Variants in CDH4 observed in about 807,000 individuals in gnomAD.
CDH4 encodes cadherin 4, also known as cadherin-4.
Under a neutral mutation model 86.0 loss-of-function variants are expected in CDH4, and 33 were observed. The observed-to-expected ratio is 0.38, with a 90% confidence interval of 0.29 to 0.51. CDH4 has a LOEUF of 0.51. Ranked by LOEUF, CDH4 falls within the 20% of genes least tolerant of loss-of-function variation. The pLI, the probability that CDH4 is intolerant of heterozygous loss-of-function variation, is 0.86. For missense variants in CDH4, 1,114 were observed against 1,307.4 expected (o/e 0.85, Z 2.28); for synonymous variants, 555 against 549.4 (o/e 1.01, Z -0.14).
chr20:61,564,116 T>C (rs908650329), intron 2 of CDH4, among the ~76,000 whole-genome samples: 1 of 152,150 alleles, frequency 6.6e-6, no homozygotes, highest in Non-Finnish European at 1.5e-5. Context: ...CTTTCTCTTA[T>C]AAGGACATCA....
chr20:61,523,183 G>T (rs987760001), intron 2 of CDH4, among the ~76,000 whole-genome samples: 1 of 152,218 alleles, frequency 6.6e-6, no homozygotes, highest in African/African-American at 2.4e-5. Context: ...CTCCATGCCA[G>T]AACGGTGCCT....
chr20:61,783,668 G>A (rs940225777), intron 4 of CDH4, among the ~76,000 whole-genome samples: 4 of 139,896 alleles, frequency 2.9e-5, no homozygotes, highest in African/African-American at 8.0e-5. Flanking sequence ...GAGGCCCTCA[G>A]GTGTCTTGTG....
intron 2 of CDH4, among the ~76,000 whole-genome samples, chr20:61,724,431 G>C (rs1278812172): frequency 6.6e-6 from 1 of 152,182 alleles, no homozygotes; most frequent in Non-Finnish European, 1.5e-5. Context: ...GCTGAGTACA[G>C]TGGGCTCAGT....
chr20:61,690,451 G>T (rs2087640842), intron 2 of CDH4, among the ~76,000 whole-genome samples: 1 of 152,122 alleles, frequency 6.6e-6, no homozygotes. Flanking sequence ...GGAGGGAGGG[G>T]CTACAGGGTT....
chr20:61,358,908 G>A (rs1020425999), intron 2 of CDH4, among the ~76,000 whole-genome samples: 29 of 152,124 alleles, frequency 1.9e-4, no homozygotes, highest in African/African-American at 6.8e-4. Context: ...GTGACGGGGG[G>A]GTTTACTCCG....
chr20:61,412,246 G>A (rs575787492), intron 2 of CDH4, among the ~76,000 whole-genome samples: 8 of 152,302 alleles, frequency 5.3e-5, no homozygotes, highest in South Asian at 2.1e-4. Flanking sequence ...CTCTGGGTCC[G>A]TAGCATGAGC....
chr20:61,870,367 C>T (rs1983747741), intron 6 of CDH4, among the ~76,000 whole-genome samples: 2 of 152,220 alleles, frequency 1.3e-5, no homozygotes, highest in African/African-American at 4.8e-5. Context: ...GAGGAAGAGG[C>T]CAAGGCCGTC....
At chr20:61,418,977 T>C (rs2085162245) in intron 2 of CDH4, among the ~76,000 whole-genome samples, 2 of 152,206 alleles carry the variant, frequency 1.3e-5, no homozygotes, top group African/African-American at 4.8e-5. Flanking sequence ...TGACTTCTCT[T>C]GTCATTGGAT....
chr20:61,738,468 T>C (rs535952996), intron 2 of CDH4: 1 of 151,800 alleles, frequency 6.6e-6, no homozygotes, highest in Non-Finnish European at 1.5e-5. Flanking sequence ...CACAGTACTT[T>C]CTGGGGCTGC....
chr20:61,501,675 C>A lies in CDH4; in HGVS notation c.170-241888C>A, dbSNP rs544169265. Among the ~76,000 whole-genome samples the A allele has an allele frequency of 6.6e-6, 1 of 152,094 alleles. No individual in the cohort carries two copies. The highest frequency in any genetic ancestry group is 6.5e-5 in the Admixed American group (1 of 15,282). On this transcript the variant is annotated intron_variant, in intron 2 of 15. Coordinates refer to ENST00000614565, the MANE Select transcript of CDH4 (RefSeq NM_001794.5). This position sits in a 1 kb window ranked among gnomAD's most constrained non-coding sequence, Gnocchi z 4.2. ...GCGTGTTCCGGAAAGCATGCCGTGC[C>A]CTGTGAACTAGAAGAGGGTACTGGA... is the stretch of plus-strand genomic sequence containing the variant.
intron 2 of CDH4, among the ~76,000 whole-genome samples, chr20:61,640,375 C>T (rs1314918579): frequency 1.3e-5 from 2 of 152,214 alleles, no homozygotes; most frequent in African/African-American, 2.4e-5. Context: ...TGAATGTGCA[C>T]GTGCATACAT....
intron 9 of CDH4, among the ~76,000 whole-genome samples, chr20:61,914,177 A>G (rs536231585): frequency 2.2e-4 from 34 of 152,290 alleles, no homozygotes; most frequent in African/African-American, 8.2e-4. Flanking sequence ...CAGGACCCCA[A>G]ACCCACTATG....
chr20:61,357,401 C>A (rs1273401694), intron 2 of CDH4, among the ~76,000 whole-genome samples: 3 of 152,152 alleles, frequency 2.0e-5, no homozygotes, highest in African/African-American at 7.2e-5. Context: ...GCTCACCCTG[C>A]CATGTTGCCG....
intron 2 of CDH4, among the ~76,000 whole-genome samples, chr20:61,668,510 C>A (rs2145841997): frequency 6.6e-6 from 1 of 152,320 alleles, no homozygotes; most frequent in African/African-American, 2.4e-5. Flanking sequence ...ACCACTGGGG[C>A]CCATGTGCAT....
chr20:61,429,415 G>A (rs1037578621), intron 2 of CDH4, among the ~76,000 whole-genome samples: 15 of 152,162 alleles, frequency 9.9e-5, no homozygotes, highest in African/African-American at 2.9e-4. Context: ...ATAGCAAATC[G>A]TATGCCAGAT....
intron 7 of CDH4, among the ~76,000 whole-genome samples, chr20:61,877,861 C>T (rs1451073262): frequency 1.3e-5 from 2 of 152,144 alleles, no homozygotes; most frequent in African/African-American, 4.8e-5. Context: ...GGGGCCATGA[C>T]CCCCGGAACG....
At chr20:61,369,918 G>A (rs942757579) in intron 2 of CDH4, 3 of 152,406 alleles carry the variant, frequency 2.0e-5, no homozygotes, top group African/African-American at 7.2e-5. Context: ...CAGAGTCCTG[G>A]GGACACAAAG....
intron 2 of CDH4, among the ~76,000 whole-genome samples, chr20:61,289,021 T>A (rs1210347280): frequency 1.3e-5 from 2 of 152,214 alleles, no homozygotes; most frequent in African/African-American, 4.8e-5. Context: ...CTCAAGCAGT[T>A]GGAATGACAG....
At chr20:61,933,654 G>A (rs752790480) in intron 14 of CDH4, among the ~76,000 whole-genome samples, 8 of 147,920 alleles carry the variant, frequency 5.4e-5, no homozygotes, top group Non-Finnish European at 1.2e-4. Flanking sequence ...TGTGCCTTGC[G>A]GAGGCCCAGC....
Sources: gnomAD v4.1 joint callset for allele counts (sites outside exome capture counted in the v4.1 genomes callset) on GRCh38, gnomAD v4.1.1 for gene constraint, Gnocchi (gnomAD v3.1) non-coding constraint, MANE v1.5 for transcripts, NCBI Gene and HGNC (gene_info 2026-07-23, HGNC 2026-07-21) for gene names.